Variants in ERICH3 observed in about 807,000 individuals in gnomAD.
ERICH3 encodes glutamate-rich protein 3.
A neutral mutation model predicts 131.1 loss-of-function variants in ERICH3; 126 were observed. That is an observed-to-expected ratio of 0.96 (90% CI 0.83 to 1.11). The LOEUF (loss-of-function observed/expected upper bound fraction) is 1.11. Ranked by LOEUF, ERICH3 falls within the 50% of genes most tolerant of loss-of-function variation. The pLI is 0.00. For missense variants in ERICH3, 2,050 were observed against 1,810.7 expected, an observed-to-expected ratio of 1.13 and a Z score of -2.40; for synonymous variants, 695 against 644.6, an observed-to-expected ratio of 1.08 and a Z score of -1.18.
At chr1:74,660,795 G>C (rs1646634635) in intron 1 of ERICH3, among the ~76,000 whole-genome samples, 1 of 151,680 alleles carries the variant, frequency 6.6e-6, no homozygotes, top group Non-Finnish European at 1.5e-5. Flanking sequence ...AAATGCTTAT[G>C]AATGGTACCT....
intron 6 of ERICH3, chr1:74,634,599 T>A: frequency 1.4e-6 from 1 of 699,110 alleles, no homozygotes; most frequent in South Asian, 1.6e-5. Flanking sequence ...TTCACATGTC[T>A]AATGAAACAA....
intron 3 of ERICH3, among the ~76,000 whole-genome samples, chr1:74,645,444 A>T (rs180872649): frequency 1.6e-4 from 25 of 151,710 alleles, no homozygotes; most frequent in Admixed American, 1.6e-3. Flanking sequence ...GTTATTTAAT[A>T]TATTACATAT....
At chr1:74,669,123 G>A (rs770852435) in intron 1 of ERICH3, among the ~76,000 whole-genome samples, 1 of 151,560 alleles carries the variant, frequency 6.6e-6, no homozygotes, top group Non-Finnish European at 1.5e-5. Flanking sequence ...ATCTGCCTTC[G>A]ATGAAAAACG....
At chr1:74,664,269 T>TA (rs1457852741) in intron 1 of ERICH3, among the ~76,000 whole-genome samples, 1 of 149,580 alleles carries the variant, frequency 6.7e-6, no homozygotes, top group Non-Finnish European at 1.5e-5. Flanking sequence ...CTGCTCAAAG[T>TA]AAAAAATTTT....
At chr1:74,595,900 G>T (rs1647823997) in intron 11 of ERICH3, among the ~76,000 whole-genome samples, 1 of 151,956 alleles carries the variant, frequency 6.6e-6, no homozygotes, top group Admixed American at 6.6e-5. Flanking sequence ...TATAGTCTTT[G>T]GTCAGAAGCC....
intron 9 of ERICH3, among the ~76,000 whole-genome samples, chr1:74,611,484 T>C (rs1166522351): frequency 3.3e-5 from 5 of 152,170 alleles, no homozygotes; most frequent in Admixed American, 2.6e-4. Context: ...TAAGAGTTAC[T>C]ATTAAATCAT....
In ERICH3 at chr1:74,573,182, G is replaced by C; in HGVS notation, c.2528C>G (p.Ala843Gly). Residue 843 changes from alanine (A) to glycine (G), a missense_variant, in exon 14 of 15, where the codon GCA becomes GGA. Coordinates refer to ENST00000326665, the MANE Select transcript of ERICH3 (RefSeq NM_001002912.5). ...PGIERGAEGA[A>G]EAEGVRRLGE... ...CAGCCTTCTGACCCCTTCTGCTTCTGCTGCTCCCTCTGCCCCCCTTTCTAT... is the reference window on the plus strand; with the variant it reads ...CAGCCTTCTGACCCCTTCTGCTTCTCCTGCTCCCTCTGCCCCCCTTTCTAT... 6.2e-7 allele frequency: 1 copy of C among 1,613,660 alleles called. No homozygotes were observed. The highest frequency in any genetic ancestry group is 8.5e-7 in the Non-Finnish European group (1 of 1,179,764).
intron 7 of ERICH3, among the ~76,000 whole-genome samples, chr1:74,630,177 T>C (rs976253431): frequency 6.6e-6 from 1 of 152,118 alleles, no homozygotes; most frequent in African/African-American, 2.4e-5. Flanking sequence ...GAATGATGAG[T>C]AAGTCATTGT....
chr1:74,630,368 G>C (rs893712618), intron 7 of ERICH3, among the ~76,000 whole-genome samples: 12 of 152,172 alleles, frequency 7.9e-5, no homozygotes, highest in African/African-American at 2.9e-4. Flanking sequence ...GTCAGTCTTG[G>C]TCAAGGGCTT....
chr1:74,649,363 A>T lies in ERICH3; in HGVS notation c.24-48T>A, dbSNP rs547543104. ...ATAAGCTTTTACAAGGGGTTGTTTG[A>T]TAACCAAGGCAATTCTTTACTGTTT... On this transcript the variant is annotated intron_variant, in intron 1 of 14. Coordinates refer to ENST00000326665, the MANE Select transcript of ERICH3 (RefSeq NM_001002912.5). 8.3e-6 allele frequency: 12 copies of T among 1,438,518 alleles called. No homozygotes were observed. The East Asian group carries it at 2.7e-4, about 33-fold the overall frequency. 89.1% of individuals were successfully genotyped at this position (1,438,518 alleles called of 1,614,324 possible).
intron 1 of ERICH3, among the ~76,000 whole-genome samples, chr1:74,670,573 T>A (rs1193986664): frequency 6.6e-6 from 1 of 152,106 alleles, no homozygotes; most frequent in East Asian, 1.9e-4. Flanking sequence ...TGCCTGTCTT[T>A]ACTTTAATCT....
rs537483880 is a variant in ERICH3 at position 74,579,226 on chromosome 1, A to G, written c.2177-2290T>C. ...TTGCATATAAATTTATTTGGCAATT[A>G]CATGAAGCTTCATTCCATCAGTGCT... On this transcript the variant is annotated intron_variant, in intron 12 of 14. Coordinates refer to ENST00000326665, the MANE Select transcript of ERICH3 (RefSeq NM_001002912.5). Among the ~76,000 whole-genome samples, 22 of 152,312 alleles carry G rather than the reference A, an allele frequency of 1.4e-4. No homozygotes were observed. In the South Asian group the frequency reaches 4.3e-3, roughly 30 times the overall value.
At chr1:74,600,652 T>C (rs947476155) in intron 10 of ERICH3, among the ~76,000 whole-genome samples, 2 of 151,882 alleles carry the variant, frequency 1.3e-5, no homozygotes, top group African/African-American at 4.8e-5. Flanking sequence ...GAAAAGGAAA[T>C]TGTCACATCA....
At chr1:74,634,245 A>C (rs1646367672) in intron 6 of ERICH3, among the ~76,000 whole-genome samples, 1 of 152,144 alleles carries the variant, frequency 6.6e-6, no homozygotes, top group Non-Finnish European at 1.5e-5. Flanking sequence ...TTGTCTGTGA[A>C]CATTACACTA....
At chr1:74,657,256 G>A (rs954420907) in intron 1 of ERICH3, among the ~76,000 whole-genome samples, 1 of 151,920 alleles carries the variant, frequency 6.6e-6, no homozygotes, top group Non-Finnish European at 1.5e-5. Context: ...TGAAAAAATG[G>A]TGCCTTTGTG....
chr1:74,650,406 C>CGCACATATGTATGTATACATGGTGCAT lies in ERICH3; in HGVS notation c.24-1118_24-1092dup, dbSNP rs1557699970. On this transcript the variant is annotated intron_variant, in intron 1 of 14. Transcript: ENST00000326665. ...ATTCAGTAACTTACAAAAACATGCA[C>CGCACATATGTATGTATACATGGTGCAT]GCACATATGTATGTATACATGGTGC... Among the ~76,000 whole-genome samples, 4 of 152,254 alleles carry CGCACATATGTATGTATACATGGTGCAT rather than the reference C, an allele frequency of 2.6e-5. No homozygotes were observed. The East Asian group carries it at 7.7e-4, about 29-fold the overall frequency.
chr1:74,572,553 C>T lies in ERICH3; in HGVS notation c.3157G>A (p.Glu1053Lys). The T allele has an allele frequency of 6.2e-7, 1 of 1,614,036 alleles. No homozygotes were observed. Among genetic ancestry groups the T allele is most frequent in the Non-Finnish European group, 8.5e-7 (1 of 1,179,998 alleles). Residue 1053 changes from glutamate (E) to lysine (K), a missense_variant, in exon 14 of 15, where the codon GAA becomes AAA. Physicochemically the swap from Glu to Lys is moderately conservative, Grantham distance 56. Coordinates refer to ENST00000326665, the MANE Select transcript of ERICH3 (RefSeq NM_001002912.5). ...CTTCGCTCTCTTGCTAAATCTAATT[C>T]CTTGGGTAAAATTTCTTTCCTATCA... ...EDDRKEILPK[E>K]LDLARERRKA...
chr1:74,630,577 G>A (rs1646313013), intron 7 of ERICH3, among the ~76,000 whole-genome samples: 1 of 152,116 alleles, frequency 6.6e-6, no homozygotes, highest in Non-Finnish European at 1.5e-5. Context: ...TGAGTTGCCT[G>A]GGGTTGTTAG....
intron 12 of ERICH3, among the ~76,000 whole-genome samples, chr1:74,588,048 A>G (rs2100558285): frequency 6.6e-6 from 1 of 152,348 alleles, no homozygotes; most frequent in East Asian, 1.9e-4. Flanking sequence ...AAAACAAGAC[A>G]AAATAGTAGT....
Sources: allele counts gnomAD v4.1 joint callset (sites outside exome capture counted in the v4.1 genomes callset), GRCh38; gene constraint gnomAD v4.1.1; transcripts MANE v1.5; gene names NCBI Gene and HGNC (gene_info 2026-07-23, HGNC 2026-07-21).